Variants in GRIA3 observed in about 807,000 individuals in gnomAD.
GRIA3 encodes the protein glutamate ionotropic receptor AMPA type subunit 3.
Under a neutral mutation model 63.0 loss-of-function variants are expected in GRIA3, and 3 were observed. That is an observed-to-expected ratio of 0.05 (90% CI 0.02 to 0.12). The LOEUF (loss-of-function observed/expected upper bound fraction) is 0.12, where lower values mean the gene tolerates loss of function less well. Ranked by LOEUF, GRIA3 falls within the 10% of genes least tolerant of loss-of-function variation. The probability of loss-of-function intolerance (pLI) is 1.00; values close to 1 mark genes in which losing one functional copy is unlikely to be tolerated. For synonymous variants in GRIA3, 274 were observed against 257.9 expected, an observed-to-expected ratio of 1.06 and a Z score of -0.60; for missense variants, 347 against 700.9, an observed-to-expected ratio of 0.50 and a Z score of 5.70.
chrX:123,409,551 T>C (rs1050776224), intron 10 of GRIA3, among the ~76,000 whole-genome samples: 4 of 111,632 alleles, frequency 3.6e-5, no homozygotes, highest in African/African-American at 9.8e-5. Flanking sequence ...TCCACCTGCT[T>C]TTAGCAGTTT....
At chrX:123,263,953 G>A (rs1292691857) in intron 3 of GRIA3, among the ~76,000 whole-genome samples, 1 of 111,626 alleles carries the variant, frequency 9.0e-6, no homozygotes, top group East Asian at 2.8e-4. Flanking sequence ...ACCAAGTGGT[G>A]GATTAGACTG....
At chrX:123,245,390 C>T (rs2044352635) in intron 2 of GRIA3, among the ~76,000 whole-genome samples, 1 of 111,786 alleles carries the variant, frequency 8.9e-6, no homozygotes, top group Non-Finnish European at 1.9e-5. Flanking sequence ...AGTTAGAAGT[C>T]ATCCACATGG....
chrX:123,297,027 G>A (rs983445772), intron 3 of GRIA3, among the ~76,000 whole-genome samples: 1 of 111,126 alleles, frequency 9.0e-6, no homozygotes, highest in African/African-American at 3.3e-5. Context: ...CTCTCCCAAA[G>A]CATACCAATT....
intron 2 of GRIA3, among the ~76,000 whole-genome samples, chrX:123,206,881 A>G (rs2147257909): frequency 8.9e-6 from 1 of 112,301 alleles, no homozygotes; most frequent in East Asian, 2.8e-4. Flanking sequence ...GCTCTAAGTT[A>G]GGCATGTAGT....
intron 12 of GRIA3, among the ~76,000 whole-genome samples, chrX:123,435,872 C>G (rs1030658657): frequency 8.9e-6 from 1 of 111,986 alleles, no homozygotes; most frequent in Non-Finnish European, 1.9e-5. Context: ...TATTTGGTCT[C>G]AGTTTCTTCA....
intron 4 of GRIA3, among the ~76,000 whole-genome samples, chrX:123,328,524 T>G (rs980616335): frequency 7.1e-5 from 8 of 112,100 alleles, no homozygotes; most frequent in Non-Finnish European, 1.5e-4. Flanking sequence ...TTTCAAAAAA[T>G]TGTCATAAAA....
intron 5 of GRIA3, among the ~76,000 whole-genome samples, chrX:123,362,193 CAG>C (rs1476863628): frequency 2.7e-5 from 3 of 111,597 alleles, no homozygotes; most frequent in Non-Finnish European, 5.6e-5. Flanking sequence ...GCAAGGAAAA[CAG>C]AGTGTATTGT....
chrX:123,286,721 T>A (rs1185500793), intron 3 of GRIA3, among the ~76,000 whole-genome samples: 1 of 111,356 alleles, frequency 9.0e-6, no homozygotes, highest in East Asian at 2.8e-4. Context: ...CAGGAAAAAG[T>A]CGAATCCCTG....
intron 2 of GRIA3, among the ~76,000 whole-genome samples, chrX:123,229,462 C>A (rs1257826610): frequency 2.7e-5 from 3 of 111,612 alleles, no homozygotes; most frequent in Non-Finnish European, 5.7e-5. Context: ...TCTGAATAGC[C>A]TATTCCCTAC....
rs1274737677 is a variant in GRIA3, at chrX:123,204,455, C to G, written c.268+18465C>G. The G allele has an allele frequency of 2.6e-6, 3 of 1,159,529 alleles. No individual in the cohort carries two copies. The Admixed American group carries it at 7.7e-5, about 30-fold the overall frequency. On this transcript the variant is annotated intron_variant, in intron 2 of 15. Coordinates refer to ENST00000620443, the MANE Select transcript of GRIA3 (RefSeq NM_007325.5). ...AGATCACAAGTCAGCACTACCTCCT[C>G]CCTTCTTGAGTTCTCAACTGAGTGA... is the stretch of plus-strand genomic sequence containing the variant.
intron 3 of GRIA3, among the ~76,000 whole-genome samples, chrX:123,305,241 C>T (rs2044747816): frequency 9.0e-6 from 1 of 111,075 alleles, no homozygotes; most frequent in Non-Finnish European, 1.9e-5. Flanking sequence ...CCCACACCCA[C>T]CCAAACACAA....
chrX:123,324,944 TCTC>T (rs2044890942), intron 3 of GRIA3, among the ~76,000 whole-genome samples: 1 of 111,907 alleles, frequency 8.9e-6, no homozygotes, highest in Non-Finnish European at 1.9e-5. Flanking sequence ...CCCATTCTCT[TCTC>T]CTCCAGTCAT....
At chrX:123,409,517 C>CA (rs1756081299) in intron 10 of GRIA3, among the ~76,000 whole-genome samples, 1 of 111,533 alleles carries the variant, frequency 9.0e-6, no homozygotes, top group Non-Finnish European at 1.9e-5. Context: ...GTAAGCCCTT[C>CA]AGAACATCAT....
At chrX:123,446,952 C>T (rs2045705904) in intron 12 of GRIA3, among the ~76,000 whole-genome samples, 1 of 111,995 alleles carries the variant, frequency 8.9e-6, no homozygotes, top group Non-Finnish European at 1.9e-5. Flanking sequence ...ATATAGAGGG[C>T]CTGTTTTTCA....
chrX:123,384,769 T>C (rs1468406202), intron 5 of GRIA3, among the ~76,000 whole-genome samples: 12 of 112,580 alleles, frequency 1.1e-4, no homozygotes, highest in Non-Finnish European at 2.3e-4. Context: ...CTTTTTTTCA[T>C]GTGCTTGTTG....
At chrX:123,321,898 C>T (rs1432317904) in intron 3 of GRIA3, among the ~76,000 whole-genome samples, 3 of 111,622 alleles carry the variant, frequency 2.7e-5, no homozygotes, top group African/African-American at 6.5e-5. Context: ...AGCTCCCTTC[C>T]GGGAGCTCTG....
rs73553764 is a variant in GRIA3 at position 123,398,823 on chromosome X, A to G, written c.1080+20A>G. ...AAAATGGTAAAGACCACAATGGGTTATTGGGGTGGAAGAAACTTATAAAGA... is the reference window on the plus strand; with the variant it reads ...AAAATGGTAAAGACCACAATGGGTTGTTGGGGTGGAAGAAACTTATAAAGA... On this transcript the variant is annotated intron_variant, in intron 7 of 15. Coordinates refer to ENST00000620443, the MANE Select transcript of GRIA3 (RefSeq NM_007325.5). 5 of 1,169,410 alleles carry G rather than the reference A, an allele frequency of 4.3e-6. No homozygotes were observed. Among genetic ancestry groups the G allele is most frequent in the Non-Finnish European group, 5.8e-6 (5 of 857,685 alleles).
chrX:123,224,358 A>G, intron 2 of GRIA3, among the ~76,000 whole-genome samples: 1 of 111,621 alleles, frequency 9.0e-6, no homozygotes, highest in Non-Finnish European at 1.9e-5. Context: ...TCATATAGTC[A>G]ACGCTCTTTT....
chrX:123,417,398 T>A lies in GRIA3; in HGVS notation c.1501-4T>A, dbSNP rs755235676. The stretch of plus-strand genomic sequence containing the variant: ...TATGTTTTCTTTTTTTTCTTTTTTT[T>A]CAGAGAGCTGATATAGCTGTTGCTC... On this transcript the variant is annotated splice_polypyrimidine_tract_variant and splice_region_variant and intron_variant, in intron 10 of 15. Transcript: ENST00000620443. The A allele has an allele frequency of 3.9e-5, 47 of 1,198,296 alleles. No homozygotes were observed. The highest frequency in any genetic ancestry group is 2.3e-6 in the Non-Finnish European group (2 of 885,101).
Sources: gnomAD v4.1 joint callset for allele counts (sites outside exome capture counted in the v4.1 genomes callset) on GRCh38, gnomAD v4.1.1 for gene constraint, MANE v1.5 for transcripts, NCBI Gene and HGNC (gene_info 2026-07-23, HGNC 2026-07-21) for gene names.